The following OSBPL8 variants were observed in gnomAD, a reference collection of about 807,000 sequenced individuals.
OSBPL8 encodes the protein oxysterol binding protein like 8.
A neutral mutation model predicts 125.5 loss-of-function variants in OSBPL8; 59 were observed. The observed-to-expected ratio is 0.47, with a 90% confidence interval of 0.38 to 0.58. OSBPL8 has a LOEUF of 0.58. OSBPL8 is among the 20% of genes least tolerant of loss of function. The pLI is 0.00. For missense variants in OSBPL8, 758 were observed against 1,047.8 expected, an observed-to-expected ratio of 0.72 and a Z score of 3.82; for synonymous variants, 330 against 338.9, an observed-to-expected ratio of 0.97 and a Z score of 0.29.
intron 1 of OSBPL8, among the ~76,000 whole-genome samples, chr12:76,513,229 T>C (rs118089192): frequency 6.6e-6 from 1 of 152,160 alleles, no homozygotes; most frequent in East Asian, 1.9e-4. Flanking sequence ...GTGATTGCTT[T>C]CAGAATTTTG....
intron 4 of OSBPL8, among the ~76,000 whole-genome samples, chr12:76,423,920 T>C (rs1203943091): frequency 6.6e-6 from 1 of 152,182 alleles, no homozygotes; most frequent in Non-Finnish European, 1.5e-5. Flanking sequence ...TGGTTCTCTA[T>C]TCATGCACAA....
At chr12:76,403,184 C>T (rs1954122771) in intron 5 of OSBPL8, among the ~76,000 whole-genome samples, 1 of 152,160 alleles carries the variant, frequency 6.6e-6, no homozygotes, top group Non-Finnish European at 1.5e-5. Context: ...GCTTCTACTC[C>T]TCCTTCAATA....
At chr12:76,382,629 C>A (rs200173386) in intron 15 of OSBPL8, among the ~76,000 whole-genome samples, 2 of 152,064 alleles carry the variant, frequency 1.3e-5, no homozygotes, top group Non-Finnish European at 2.9e-5. Flanking sequence ...ACGCCTGTAA[C>A]CCCAGCACTT....
intron 4 of OSBPL8, among the ~76,000 whole-genome samples, chr12:76,431,301 A>G (rs543494864): frequency 9.2e-4 from 140 of 151,922 alleles, no homozygotes; most frequent in African/African-American, 3.2e-3. Context: ...AAAAGAAAAA[A>G]AAACACACAA....
At chr12:76,543,218 A>G (rs796720815) in intron 1 of OSBPL8, among the ~76,000 whole-genome samples, 6 of 152,262 alleles carry the variant, frequency 3.9e-5, no homozygotes, top group African/African-American at 1.2e-4. Flanking sequence ...ACTGAAATCT[A>G]TTGAATTAAT....
At chr12:76,416,922 G>A (rs1868752455) in intron 4 of OSBPL8, among the ~76,000 whole-genome samples, 1 of 151,898 alleles carries the variant, frequency 6.6e-6, no homozygotes, top group African/African-American at 2.4e-5. Context: ...ATTAATCATT[G>A]TGTTTAGTGG....
At position 76,355,900 on chromosome 12, in the gene OSBPL8, T is replaced by C. The variant is rs569766867; in HGVS notation, c.2659A>G (p.Met887Val). The part of the protein sequence containing the change: ...LILLQVIINF[M>V]FK Reference sequence around the variant, plus strand: ...ATGGTAGAGAACTTCTACTTGAACATGAAGTTTATTATGACTTGAAGCAAA... The same window carrying C: ...ATGGTAGAGAACTTCTACTTGAACACGAAGTTTATTATGACTTGAAGCAAA... The change falls in exon 24 of 24, where the codon ATG becomes GTG. Residue 887 changes from methionine to valine, a missense_variant. Physicochemically the swap from Met to Val is conservative, Grantham distance 21. This residue lies in a region of OSBPL8 where 572 missense variants were observed against 762.0 expected (regional missense o/e 0.75). Coordinates refer to ENST00000261183, the MANE Select transcript of OSBPL8 (RefSeq NM_020841.5). 66 of 1,613,328 alleles carry C rather than the reference T, an allele frequency of 4.1e-5. No individual in the cohort carries two copies. Among genetic ancestry groups the C allele is most frequent in the Non-Finnish European group, 4.9e-5 (58 of 1,179,632 alleles).
At chr12:76,496,851 A>G (rs1879331565) in intron 1 of OSBPL8, among the ~76,000 whole-genome samples, 1 of 151,896 alleles carries the variant, frequency 6.6e-6, no homozygotes, top group Non-Finnish European at 1.5e-5. Flanking sequence ...CTTGGCTAAT[A>G]TTTTTAACTT....
chr12:76,530,903 A>G (rs111236695), intron 1 of OSBPL8, among the ~76,000 whole-genome samples: 1,906 of 152,374 alleles, frequency 0.013, 24 homozygotes, highest in Non-Finnish European at 0.019. Flanking sequence ...CAGAAACAAC[A>G]TAAGTTCTCA....
At chr12:76,553,762 C>T (rs1196669876) in intron 1 of OSBPL8, among the ~76,000 whole-genome samples, 3 of 151,206 alleles carry the variant, frequency 2.0e-5, no homozygotes, top group Admixed American at 6.6e-5. Flanking sequence ...GATCACTTTA[C>T]GTCAGGAGTT....
At chr12:76,369,969 T>C (rs1592538154) in intron 19 of OSBPL8, 147 bp from the exon 20 acceptor site, 3 of 725,410 alleles carry the variant, frequency 4.1e-6, no homozygotes, top group Middle Eastern at 7.9e-4. Context: ...GGCTTAGAAA[T>C]GAGTCAAGAT....
chr12:76,535,172 A>T (rs998474739), intron 1 of OSBPL8, among the ~76,000 whole-genome samples: 18 of 152,236 alleles, frequency 1.2e-4, no homozygotes, highest in South Asian at 8.3e-4. Context: ...AAAAGTTTTT[A>T]AAAAAGGCAA....
chr12:76,373,363 G>C lies in OSBPL8; in HGVS notation c.1898C>G (p.Ala633Gly), dbSNP rs1952692222. 6.2e-7 allele frequency: 1 copy of C among 1,604,864 alleles called. No individual in the cohort carries two copies. The highest frequency in any genetic ancestry group is 8.5e-7 in the Non-Finnish European group (1 of 1,173,550). ...ACTTACCCAATGACCTTCCAAAGTAGCTAGGACTTCTTTTCCCAGTTTAAG... is the reference window on the plus strand; with the variant it reads ...ACTTACCCAATGACCTTCCAAAGTACCTAGGACTTCTTTTCCCAGTTTAAG... ...GKLKLGKEVL[A>G]TLEGHWDSEV... The change falls in exon 18 of 24, where the codon GCT (alanine) becomes GGT (glycine). Residue 633 changes from alanine to glycine, a missense_variant. Ala to Gly is a moderately conservative substitution (Grantham distance 60). Transcript: ENST00000261183.
At chr12:76,463,982 T>C (rs931775100) in intron 2 of OSBPL8, among the ~76,000 whole-genome samples, 6 of 152,192 alleles carry the variant, frequency 3.9e-5, no homozygotes, top group East Asian at 1.9e-4. Flanking sequence ...TGTGAAATTA[T>C]TGATGTGGAA....
chr12:76,428,344 A>T (rs531395793), intron 4 of OSBPL8, among the ~76,000 whole-genome samples: 2 of 152,186 alleles, frequency 1.3e-5, no homozygotes, highest in South Asian at 4.1e-4. Flanking sequence ...CTCATTGGAA[A>T]ATTAGAATTT....
rs749119632 is a variant in OSBPL8, at chr12:76,456,917, A to C, written c.79+2942T>G. On this transcript the variant is annotated intron_variant, in intron 3 of 23. Transcript: ENST00000261183. Reference sequence around the variant, plus strand: ...CAACCACAGCTGCAGACCTCAATCTAGAGCTAAATATTAAGCAATTAAACT... The same window carrying C: ...CAACCACAGCTGCAGACCTCAATCTCGAGCTAAATATTAAGCAATTAAACT... Among the ~76,000 whole-genome samples the C allele has an allele frequency of 2.0e-5, 3 of 152,218 alleles. No homozygotes were observed. The South Asian group carries it at 6.2e-4, about 32-fold the overall frequency.
intron 2 of OSBPL8, among the ~76,000 whole-genome samples, chr12:76,466,250 CA>C (rs1015303940): frequency 3.6e-4 from 54 of 151,802 alleles, no homozygotes; most frequent in African/African-American, 1.3e-3. Context: ...TTTTTATAGT[CA>C]AAAAAGAACT....
At chr12:76,486,578 T>C (rs965231816) in intron 2 of OSBPL8, among the ~76,000 whole-genome samples, 2 of 152,112 alleles carry the variant, frequency 1.3e-5, no homozygotes, top group South Asian at 4.1e-4. Context: ...TTTTGTACAG[T>C]GAGAAAAAAA....
At chr12:76,558,514 A>G (rs1447147230) in intron 1 of OSBPL8, among the ~76,000 whole-genome samples, 2 of 152,248 alleles carry the variant, frequency 1.3e-5, no homozygotes, top group African/African-American at 4.8e-5. Flanking sequence ...TAAGTCTTCT[A>G]GCAGCAGAAA....
Sources: allele counts gnomAD v4.1 joint callset (sites outside exome capture counted in the v4.1 genomes callset), GRCh38; gene constraint gnomAD v4.1.1; regional missense constraint gnomAD v4.1.1; transcripts MANE v1.5; gene names NCBI Gene and HGNC (gene_info 2026-07-23, HGNC 2026-07-21).